UNG: variants seen among roughly 807,000 people sequenced by gnomAD.
UNG encodes uracil-DNA glycosylase.
A neutral mutation model predicts 36.5 loss-of-function variants in UNG; 34 were observed. That is an observed-to-expected ratio of 0.93 (90% CI 0.71 to 1.24). The LOEUF (loss-of-function observed/expected upper bound fraction) is 1.24. UNG is among the 50% of genes most tolerant of loss of function. The probability of loss-of-function intolerance (pLI) is 0.00; values close to 1 mark genes in which losing one functional copy is unlikely to be tolerated. For synonymous variants in UNG, 172 were observed against 157.8 expected, an observed-to-expected ratio of 1.09 and a Z score of -0.67; for missense variants, 391 against 397.6, an observed-to-expected ratio of 0.98 and a Z score of 0.14.
intron 6 of UNG, among the ~76,000 whole-genome samples, chr12:109,106,719 T>G (rs1387822492): frequency 6.7e-6 from 1 of 150,016 alleles, no homozygotes; most frequent in Non-Finnish European, 1.5e-5. Flanking sequence ...GGCAACATAG[T>G]GAAACCCTGT....
chr12:109,106,001 G>A (rs1453520395), intron 6 of UNG, among the ~76,000 whole-genome samples: 1 of 152,130 alleles, frequency 6.6e-6, no homozygotes, highest in African/African-American at 2.4e-5. Context: ...CTTTTTCACG[G>A]TGCCCCACTT....
intron 2 of UNG, 71 bp from the exon 3 acceptor site, chr12:109,099,118 A>C: frequency 7.1e-7 from 1 of 1,405,328 alleles, no homozygotes; most frequent in East Asian, 2.3e-5. Flanking sequence ...CTTGCACTAG[A>C]AGCTTTCTTA....
At chr12:109,104,328 A>G (rs1356480108) in intron 6 of UNG, among the ~76,000 whole-genome samples, 1 of 151,782 alleles carries the variant, frequency 6.6e-6, no homozygotes, top group Non-Finnish European at 1.5e-5. Context: ...GATTACAGGC[A>G]TGAGCCACCA....
chr12:109,099,335 A>G, intron 3 of UNG, 51 bp downstream of exon 3: 1 of 1,492,372 alleles, frequency 6.7e-7, no homozygotes, highest in Non-Finnish European at 9.3e-7. Context: ...GTCAAATAGT[A>G]TTTTTAAATT....
At chr12:109,104,181 G>GA (rs1287092752) in intron 6 of UNG, among the ~76,000 whole-genome samples, 1 of 151,982 alleles carries the variant, frequency 6.6e-6, no homozygotes, top group Non-Finnish European at 1.5e-5. Flanking sequence ...GAGTAGCTGG[G>GA]ACTACAGGCG....
At chr12:109,104,926 T>C (rs921774528) in intron 6 of UNG, among the ~76,000 whole-genome samples, 1 of 152,138 alleles carries the variant, frequency 6.6e-6, no homozygotes, top group South Asian at 2.1e-4. Flanking sequence ...TGAGCACTTT[T>C]GTTTTTTGAG....
rs756969903 is a variant in UNG at position 109,098,410 on chromosome 12, C to A, written c.133-22C>A. Reference sequence around the variant, plus strand: ...AGGGGCCGCTGCAGCTCTTGAGCCGCCTCTGCGGGGACCACTTGCAGGCCA... The same window carrying A: ...AGGGGCCGCTGCAGCTCTTGAGCCGACTCTGCGGGGACCACTTGCAGGCCA... On this transcript the variant is annotated intron_variant, in intron 1 of 6. Transcript: ENST00000242576. The A allele has an allele frequency of 3.7e-6, 6 of 1,605,026 alleles. No individual in the cohort carries two copies. The South Asian group carries it at 6.6e-5, about 18-fold the overall frequency.
At chr12:109,104,423 C>T (rs2042202026) in intron 6 of UNG, among the ~76,000 whole-genome samples, 2 of 152,064 alleles carry the variant, frequency 1.3e-5, no homozygotes, top group South Asian at 4.1e-4. Context: ...CCCCTCCCTA[C>T]ATCTTCCCCC....
rs149038241 is a variant in UNG at position 109,104,184 on chromosome 12, T to C, written c.801+573T>C. ...CCTCAGCCTCCCGAGTAGCTGGGACTACAGGCGCCCGCCACCACACCCGGC... is the reference window on the plus strand; with the variant it reads ...CCTCAGCCTCCCGAGTAGCTGGGACCACAGGCGCCCGCCACCACACCCGGC... On this transcript the variant is annotated intron_variant, in intron 6 of 6. Transcript: ENST00000242576. Among the ~76,000 whole-genome samples, 806 of 152,172 alleles carry C rather than the reference T, an allele frequency of 5.3e-3. 8 individuals carry two copies. The highest frequency in any genetic ancestry group is 0.018 in the African/African-American group (752 of 41,494).
At chr12:109,101,203 C>T (rs1447020605) in intron 3 of UNG, among the ~76,000 whole-genome samples, 1 of 142,610 alleles carries the variant, frequency 7.0e-6, no homozygotes, top group Non-Finnish European at 1.5e-5. Context: ...AGCGATTCTC[C>T]TGCCTCAGCC....
chr12:109,099,093 T>C (rs1027476142), intron 2 of UNG, 96 bp from the exon 3 acceptor site: 6 of 1,161,114 alleles, frequency 5.2e-6, no homozygotes, highest in Admixed American at 1.8e-5. Context: ...AAAGAACTAA[T>C]GATGTTCCAA....
At chr12:109,100,219 CTT>C (rs900257400) in intron 3 of UNG, among the ~76,000 whole-genome samples, 1 of 152,176 alleles carries the variant, frequency 6.6e-6, no homozygotes, top group Non-Finnish European at 1.5e-5. Flanking sequence ...ACTTCTGTCT[CTT>C]AAAAATCAAG....
intron 6 of UNG, among the ~76,000 whole-genome samples, chr12:109,106,581 A>G (rs185695533): frequency 1.5e-3 from 229 of 152,176 alleles, no homozygotes; most frequent in Admixed American, 5.4e-3. Flanking sequence ...CATAAACTGT[A>G]TATATGACGA....
At chr12:109,102,080 C>A in intron 4 of UNG, 81 bp downstream of exon 4, 2 of 1,264,388 alleles carry the variant, frequency 1.6e-6, no homozygotes, top group South Asian at 1.2e-5. Flanking sequence ...GTGGGACTAT[C>A]TGGGGCACTG....
intron 6 of UNG, among the ~76,000 whole-genome samples, chr12:109,109,359 A>G (rs926218582): frequency 6.6e-6 from 1 of 152,156 alleles, no homozygotes; most frequent in Non-Finnish European, 1.5e-5. Flanking sequence ...TAGTTGCTCA[A>G]CAAACGGACT....
chr12:109,109,220 T>G lies in UNG; in HGVS notation c.802-609T>G, dbSNP rs191416570. On this transcript the variant is annotated intron_variant, in intron 6 of 6. Coordinates refer to ENST00000242576, the MANE Select transcript of UNG (RefSeq NM_080911.3). ...TGTGTGTATGCATCATGGTGTCCTT[T>G]AGCAAATACAGTCTTAGCAGTGGAA... is the stretch of plus-strand genomic sequence containing the variant. Among the ~76,000 whole-genome samples, 4 of 152,306 alleles carry G rather than the reference T, an allele frequency of 2.6e-5. No individual in the cohort carries two copies. The East Asian group carries it at 7.7e-4, about 29-fold the overall frequency.
intron 3 of UNG, among the ~76,000 whole-genome samples, chr12:109,101,106 C>CTTTTTTTT (rs71079522): frequency 1.9e-5 from 1 of 53,634 alleles, no homozygotes; most frequent in Admixed American, 3.2e-4. Flanking sequence ...ATCTGAATTG[C>CTTTTTTTT]TTTTTTTTTT....
intron 6 of UNG, among the ~76,000 whole-genome samples, chr12:109,107,819 C>T (rs1006921193): frequency 9.9e-5 from 15 of 152,116 alleles, no homozygotes; most frequent in African/African-American, 3.4e-4. Flanking sequence ...GCCACCACGC[C>T]CGGCCAACTA....
intron 3 of UNG, 155 bp downstream of exon 3, chr12:109,099,439 ACTCTT>A: frequency 1.4e-6 from 1 of 690,894 alleles, no homozygotes; most frequent in Non-Finnish European, 2.6e-6. Context: ...GCCTGTATTT[ACTCTT>A]TTTAATGTTT....
Sources: gnomAD v4.1 joint callset for allele counts (sites outside exome capture counted in the v4.1 genomes callset) on GRCh38, gnomAD v4.1.1 for gene constraint, MANE v1.5 for transcripts, NCBI Gene and HGNC (gene_info 2026-07-23, HGNC 2026-07-21) for gene names.